PLB1: variants seen among roughly 807,000 people sequenced by gnomAD.
PLB1 encodes phospholipase B1, also known as phospholipase B1, membrane-associated.
PLB1 carries 242 observed loss-of-function variants against 227.4 expected under a neutral mutation model. The ratio of observed to expected loss-of-function variants is 1.06; its 90% CI spans 0.96 to 1.18. The LOEUF (loss-of-function observed/expected upper bound fraction) is 1.18, where lower values mean the gene tolerates loss of function less well. Ranked by LOEUF, PLB1 falls within the 50% of genes most tolerant of loss-of-function variation. The pLI is 0.00. For missense variants in PLB1, 1,858 were observed against 1,816.3 expected (o/e 1.02, Z -0.42); for synonymous variants, 757 against 682.2 (o/e 1.11, Z -1.71).
intron 26 of PLB1, among the ~76,000 whole-genome samples, chr2:28,586,393 G>T (rs1680910477): frequency 6.6e-6 from 1 of 152,212 alleles, no homozygotes; most frequent in South Asian, 2.1e-4. Flanking sequence ...CTTGTGAGTT[G>T]TTCATTTTAG....
intron 16 of PLB1, among the ~76,000 whole-genome samples, chr2:28,551,345 C>T (rs542202665): frequency 6.6e-6 from 1 of 152,296 alleles, no homozygotes; most frequent in Non-Finnish European, 1.5e-5. Context: ...GCACCCTGCA[C>T]TCCTCTGGGA....
chr2:28,619,278 A>C (rs1024745314), intron 46 of PLB1, among the ~76,000 whole-genome samples: 14 of 152,180 alleles, frequency 9.2e-5, no homozygotes, highest in African/African-American at 3.4e-4. Context: ...ATTTCGGTAG[A>C]AACAAACACC....
intron 43 of PLB1, among the ~76,000 whole-genome samples, chr2:28,613,804 A>G (rs1447803725): frequency 6.6e-6 from 1 of 152,226 alleles, no homozygotes; most frequent in East Asian, 1.9e-4. Context: ...CCAGACTACA[A>G]TGGGTATGAA....
At position 28,582,016 on chromosome 2, in the gene PLB1, T is replaced by TAG. The variant is rs1680109684; in HGVS notation, c.1567-46_1567-45dup. 5 of 1,531,650 alleles carry TAG rather than the reference T, an allele frequency of 3.3e-6. No homozygotes were observed. In the Admixed American group the frequency reaches 8.4e-5, roughly 26 times the overall value. The allele number at this position is 1,531,650 out of a possible 1,614,324, so 94.9% of individuals were successfully genotyped here. Reference sequence around the variant, plus strand: ...CAAGAGAGAAAGTAGCCCTGTTCTGTAGAGAGATTAGGTGACAAATGGTGT... The same window carrying TAG: ...CAAGAGAGAAAGTAGCCCTGTTCTGTAGAGAGAGATTAGGTGACAAATGGTGT... On this transcript the variant is annotated intron_variant, in intron 23 of 57. Coordinates refer to ENST00000327757, the MANE Select transcript of PLB1 (RefSeq NM_153021.5).
rs767065976 is a variant in PLB1, at chr2:28,529,396, C to T, written c.405C>T (p.His135=). 3.2e-5 allele frequency: 52 copies of T among 1,601,618 alleles called. No individual in the cohort carries two copies. The highest frequency in any genetic ancestry group is 2.0e-4 in the Admixed American group (12 of 59,994). ...ACACTGGAAAGAGAGTCATACCCCA[C>T]GATGGTGCTGAGTAAGTTCCCTTTC... is the stretch of plus-strand genomic sequence containing the variant. The part of the protein sequence containing the change: ...VCHTGKRVIP[H]DGAEDLWIQA... The change falls in exon 7 of 58, where the codon CAC becomes CAT. Residue 135 remains histidine (H), a synonymous_variant. Transcript: ENST00000327757.
At chr2:28,597,264 GAAAAAAA>G (rs57713254) in intron 33 of PLB1, among the ~76,000 whole-genome samples, 1 of 85,540 alleles carries the variant, frequency 1.2e-5, no homozygotes, top group African/African-American at 4.0e-5. Context: ...ACTCCGTCTC[GAAAAAAA>G]AAAAAAAAAA....
rs746386756 is a variant in PLB1 at position 28,589,787 on chromosome 2, G to A, written c.2016+17G>A. ...AACAATATGGTAAGTGGCTGCGGTA[G>A]GAAAATGCATCCTCCCTCTGGTAAG... On this transcript the variant is annotated intron_variant, in intron 28 of 57. Coordinates refer to ENST00000327757, the MANE Select transcript of PLB1 (RefSeq NM_153021.5). 2.1e-5 allele frequency: 34 copies of A among 1,603,462 alleles called. No homozygotes were observed. In the South Asian group the frequency reaches 3.6e-4, roughly 17 times the overall value.
Position 28,582,425 on chromosome 2 carries a change from C to G in PLB1, c.1653C>G (p.Asn551Lys). ...LHAEVPRAFV[N>K]LVTVLEIVNL... ...CTCAGGTTCCTCGGGCATTTGTGAA[C>G]CTGGTGACGGTGCTTGAGATCGTCA... Residue 551 changes from asparagine to lysine, a missense_variant, in exon 25 of 58, where the codon AAC becomes AAG. Transcript: ENST00000327757. 6.2e-7 allele frequency: 1 copy of G among 1,613,300 alleles called. No individual in the cohort carries two copies. Among genetic ancestry groups the G allele is most frequent in the African/African-American group, 1.3e-5 (1 of 75,028 alleles).
At chr2:28,587,432 A>G (rs1681086925) in intron 26 of PLB1, among the ~76,000 whole-genome samples, 1 of 152,132 alleles carries the variant, frequency 6.6e-6, no homozygotes, top group Admixed American at 6.5e-5. Context: ...CCTGGCCAAC[A>G]TAGTGAAACC....
At chr2:28,563,692 G>GA (rs1676403362) in intron 18 of PLB1, among the ~76,000 whole-genome samples, 1 of 152,108 alleles carries the variant, frequency 6.6e-6, no homozygotes, top group Non-Finnish European at 1.5e-5. Flanking sequence ...CACTATCCAT[G>GA]AAAAGCAGAA....
intron 51 of PLB1, 120 bp downstream of exon 51, chr2:28,626,628 C>G: frequency 2.3e-6 from 2 of 887,634 alleles, no homozygotes; most frequent in Non-Finnish European, 3.7e-6. Context: ...CCACATTTGC[C>G]TGCTGCCCCA....
At chr2:28,604,161 G>A in intron 40 of PLB1, 114 bp downstream of exon 40, 1 of 971,694 alleles carries the variant, frequency 1.0e-6, no homozygotes, top group Non-Finnish European at 1.6e-6. Context: ...AGGGATTGTG[G>A]GGAGACGGGG....
chr2:28,637,733 T>G (rs1169826433), intron 56 of PLB1, among the ~76,000 whole-genome samples: 2 of 152,182 alleles, frequency 1.3e-5, no homozygotes, highest in African/African-American at 4.8e-5. Flanking sequence ...CTCTGCTAAC[T>G]CTTGCTCTCC....
chr2:28,539,910 A>G (rs1292513850), intron 11 of PLB1, among the ~76,000 whole-genome samples: 1 of 151,192 alleles, frequency 6.6e-6, no homozygotes, highest in Non-Finnish European at 1.5e-5. Flanking sequence ...TCCATTCCAT[A>G]TCTACCCCCC....
At chr2:28,611,510 G>A (rs998259039) in intron 43 of PLB1, among the ~76,000 whole-genome samples, 2 of 152,052 alleles carry the variant, frequency 1.3e-5, no homozygotes, top group Non-Finnish European at 2.9e-5. Context: ...GTACTACACT[G>A]ACTGGCCATG....
intron 23 of PLB1, among the ~76,000 whole-genome samples, chr2:28,581,033 G>A (rs1322419283): frequency 1.3e-5 from 2 of 151,904 alleles, no homozygotes; most frequent in Non-Finnish European, 2.9e-5. Flanking sequence ...GTAGCCCGTG[G>A]GGAGGTGGGA....
chr2:28,596,142 C>CT (rs1682877246), intron 33 of PLB1: 1 of 152,224 alleles, frequency 6.6e-6, no homozygotes, highest in Non-Finnish European at 1.5e-5. Context: ...AGCATCTACT[C>CT]TATTTTTCTG....
At chr2:28,625,014 T>G (rs760636174) in intron 49 of PLB1, 43 bp from the exon 50 acceptor site, 1 of 1,592,654 alleles carries the variant, frequency 6.3e-7, no homozygotes, top group South Asian at 1.1e-5. Flanking sequence ...GAGTCCTCGC[T>G]CCTGAGCCGG....
chr2:28,517,204 A>G (rs1162391404), intron 2 of PLB1, among the ~76,000 whole-genome samples: 2 of 152,268 alleles, frequency 1.3e-5, no homozygotes, highest in African/African-American at 4.8e-5. Context: ...CAGAACATCC[A>G]TAAGATAAGA....
Sources: allele counts gnomAD v4.1 joint callset (sites outside exome capture counted in the v4.1 genomes callset), GRCh38; gene constraint gnomAD v4.1.1; transcripts MANE v1.5; gene names NCBI Gene and HGNC (gene_info 2026-07-23, HGNC 2026-07-21).